LY86: variants seen among roughly 807,000 people sequenced by gnomAD.
LY86 encodes the protein MD-1, RP105-associated.
Under a neutral mutation model 17.3 loss-of-function variants are expected in LY86, and 20 were observed. The ratio of observed to expected loss-of-function variants is 1.15; its 90% confidence interval spans 0.81 to 1.68. LY86 has a LOEUF of 1.68. Ranked by LOEUF, LY86 falls within the 40% of genes most tolerant of loss-of-function variation. LY86 has a pLI of 0.00. For synonymous variants in LY86, 74 were observed against 70.6 expected, an observed-to-expected ratio of 1.05 and a Z score of -0.24; for missense variants, 200 against 191.9, an observed-to-expected ratio of 1.04 and a Z score of -0.25.
At chr6:6,607,190 G>A (rs1196218330) in intron 1 of LY86, among the ~76,000 whole-genome samples, 1 of 152,234 alleles carries the variant, frequency 6.6e-6, no homozygotes, top group East Asian at 1.9e-4. Context: ...AGGGAGGAGA[G>A]TAAAGACAAT....
rs373439959 is a variant in LY86, at chr6:6,598,673, G to A, written c.136+9803G>A. On this transcript the variant is annotated intron_variant, in intron 1 of 4. Coordinates refer to ENST00000230568, the MANE Select transcript of LY86 (RefSeq NM_004271.4). ...TGATGTGCTCTTTAAGTTGTGCTAA[G>A]TCAGTGTCTTGTAACTCATTGTCCC... 7.2e-5 allele frequency among the ~76,000 whole-genome samples: 11 copies of A among 152,272 alleles called. No individual in the cohort carries two copies. In the East Asian group the frequency reaches 1.5e-3, roughly 21 times the overall value.
chr6:6,643,279 CAG>C (rs2113159129), intron 3 of LY86, among the ~76,000 whole-genome samples: 1 of 152,262 alleles, frequency 6.6e-6, no homozygotes, highest in South Asian at 2.1e-4. Context: ...ACAACAGCGA[CAG>C]ATGAATGGAT....
At chr6:6,634,467 A>G (rs1761935475) in intron 3 of LY86, among the ~76,000 whole-genome samples, 1 of 152,254 alleles carries the variant, frequency 6.6e-6, no homozygotes, top group Non-Finnish European at 1.5e-5. Context: ...AATATTGCCC[A>G]TAAGGCAGAT....
At chr6:6,606,562 C>G (rs965350371) in intron 1 of LY86, among the ~76,000 whole-genome samples, 1 of 152,204 alleles carries the variant, frequency 6.6e-6, no homozygotes, top group Non-Finnish European at 1.5e-5. Flanking sequence ...CACAGGAGCC[C>G]ACGGAGCGGG....
chr6:6,599,836 G>C (rs1760841820), intron 1 of LY86, among the ~76,000 whole-genome samples: 1 of 138,286 alleles, frequency 7.2e-6, no homozygotes, highest in African/African-American at 2.6e-5. Flanking sequence ...GCCAGCAGCA[G>C]AGCCCGACAG....
At chr6:6,615,841 G>A (rs59636730) in intron 1 of LY86, among the ~76,000 whole-genome samples, 29,900 of 151,728 alleles carry the variant, frequency 0.2, 3,202 homozygotes, top group East Asian at 0.33. Context: ...AGCCTGGGCA[G>A]CAGAACCAGA....
intron 3 of LY86, among the ~76,000 whole-genome samples, chr6:6,642,343 C>T (rs1209378069): frequency 6.6e-6 from 1 of 152,218 alleles, no homozygotes; most frequent in Non-Finnish European, 1.5e-5. Context: ...CCCGGGAGGA[C>T]CCCTCCAGGG....
chr6:6,603,523 T>TA (rs200582559), intron 1 of LY86, among the ~76,000 whole-genome samples: 1,917 of 136,346 alleles, frequency 0.014, 41 homozygotes, highest in African/African-American at 0.05. Flanking sequence ...GAGCTTGCAA[T>TA]AAAAAAAATA....
chr6:6,589,552 A>T (rs559110054), intron 1 of LY86, among the ~76,000 whole-genome samples: 1 of 152,170 alleles, frequency 6.6e-6, no homozygotes, highest in African/African-American at 2.4e-5. Context: ...GAACCAACCA[A>T]TCGGGCTGTG....
At chr6:6,601,819 T>C (rs1760921612) in intron 1 of LY86, among the ~76,000 whole-genome samples, 2 of 152,200 alleles carry the variant, frequency 1.3e-5, no homozygotes, top group African/African-American at 4.8e-5. Flanking sequence ...CTCCATCTTA[T>C]TGCCATGTGG....
At chr6:6,611,554 G>C (rs1258765517) in intron 1 of LY86, among the ~76,000 whole-genome samples, 2 of 152,218 alleles carry the variant, frequency 1.3e-5, no homozygotes, top group African/African-American at 4.8e-5. Flanking sequence ...ATATACTTAA[G>C]ATGAATGGAC....
Position 6,628,060 on chromosome 6 carries a change from C to A in LY86, c.352+1639C>A, listed in dbSNP as rs924947986. Among the ~76,000 whole-genome samples the A allele has an allele frequency of 3.9e-5, 6 of 152,068 alleles. No homozygotes were observed. The South Asian group carries it at 1.2e-3, about 31-fold the overall frequency. On this transcript the variant is annotated intron_variant, in intron 3 of 4. Coordinates refer to ENST00000230568, the MANE Select transcript of LY86 (RefSeq NM_004271.4). Reference sequence around the variant, plus strand: ...ACTTTTTTTTTTTTCTTAGCTAACCCACCTTAAAATCATAAGTCAGTTTTC... The same window carrying A: ...ACTTTTTTTTTTTTCTTAGCTAACCAACCTTAAAATCATAAGTCAGTTTTC...
intron 1 of LY86, among the ~76,000 whole-genome samples, chr6:6,601,765 G>A (rs1760919840): frequency 6.6e-6 from 1 of 152,108 alleles, no homozygotes; most frequent in Non-Finnish European, 1.5e-5. Context: ...AAGCAGAAGG[G>A]ACCATGGTGC....
intron 1 of LY86, among the ~76,000 whole-genome samples, chr6:6,606,237 G>A (rs1265185040): frequency 6.6e-6 from 1 of 152,146 alleles, no homozygotes; most frequent in Non-Finnish European, 1.5e-5. Flanking sequence ...TACAGAGTGT[G>A]GACGCAAAGG....
At chr6:6,591,852 G>C (rs1760540432) in intron 1 of LY86, among the ~76,000 whole-genome samples, 1 of 152,172 alleles carries the variant, frequency 6.6e-6, no homozygotes, top group Admixed American at 6.5e-5. Flanking sequence ...GAGAAGTTTG[G>C]CAGAGACAAT....
rs189313160 is a variant in LY86, at chr6:6,642,691, C to T, written c.353-6934C>T. ...AAGGGAACAGTAAGGACTACATCCT[C>T]GAGGGTCAGAAACTGAAGAAAGCAA... is the stretch of plus-strand genomic sequence containing the variant. On this transcript the variant is annotated intron_variant, in intron 3 of 4. Transcript: ENST00000230568. Among the ~76,000 whole-genome samples the T allele has an allele frequency of 1.1e-4, 16 of 152,276 alleles. No homozygotes were observed. The South Asian group carries it at 1.2e-3, about 12-fold the overall frequency.
intron 1 of LY86, among the ~76,000 whole-genome samples, chr6:6,590,337 A>T (rs2113066472): frequency 6.6e-6 from 1 of 152,248 alleles, no homozygotes; most frequent in Non-Finnish European, 1.5e-5. Context: ...GACAACATGG[A>T]TATTCTAGAC....
chr6:6,611,718 G>A (rs1490095013), intron 1 of LY86, among the ~76,000 whole-genome samples: 3 of 152,166 alleles, frequency 2.0e-5, no homozygotes, highest in African/African-American at 7.2e-5. Context: ...TCTCCTGAAA[G>A]TCAGGGGCTA....
intron 1 of LY86, among the ~76,000 whole-genome samples, chr6:6,606,138 T>TC (rs1761135734): frequency 6.6e-6 from 1 of 151,896 alleles, no homozygotes; most frequent in Non-Finnish European, 1.5e-5. Context: ...GAAGGCCGAG[T>TC]GGTCCATTTT....
Sources: gnomAD v4.1 joint callset for allele counts (sites outside exome capture counted in the v4.1 genomes callset) on GRCh38, gnomAD v4.1.1 for gene constraint, MANE v1.5 for transcripts, NCBI Gene and HGNC (gene_info 2026-07-23, HGNC 2026-07-21) for gene names.